The following CERKL variants were observed in gnomAD, a reference collection of about 807,000 sequenced individuals.
CERKL encodes the protein CERK like autophagy regulator.
Under a neutral mutation model 63.4 loss-of-function variants are expected in CERKL, and 61 were observed. That is an observed-to-expected ratio of 0.96 (90% confidence interval 0.78 to 1.19). The LOEUF (loss-of-function observed/expected upper bound fraction) is 1.19, where lower values mean the gene tolerates loss of function less well. CERKL is among the 50% of genes most tolerant of loss of function. CERKL has a pLI of 0.00. For synonymous variants in CERKL, 250 were observed against 230.5 expected, an observed-to-expected ratio of 1.08 and a Z score of -0.77; for missense variants, 675 against 655.5, an observed-to-expected ratio of 1.03 and a Z score of -0.33.
intron 1 of CERKL, among the ~76,000 whole-genome samples, chr2:181,628,507 G>A (rs561920457): frequency 6.6e-6 from 1 of 152,066 alleles, no homozygotes; most frequent in Non-Finnish European, 1.5e-5. Flanking sequence ...TTTTCAGTGG[G>A]CATAAAAAAG....
chr2:181,538,475 C>T (rs1687315035), intron 12 of CERKL, among the ~76,000 whole-genome samples: 1 of 152,214 alleles, frequency 6.6e-6, no homozygotes, highest in South Asian at 2.1e-4. Context: ...TCTCCATTAC[C>T]TCTGTAAAAC....
intron 2 of CERKL, among the ~76,000 whole-genome samples, chr2:181,596,932 TATGTC>T (rs1685238249): frequency 6.6e-6 from 1 of 152,236 alleles, no homozygotes; most frequent in Admixed American, 6.5e-5. Context: ...CATGTGTACA[TATGTC>T]ATAACATAAA....
rs1276593470 is a variant in CERKL, at chr2:181,548,718, C to T, written c.1035G>A (p.Arg345=). The T allele has an allele frequency of 1.9e-6, 3 of 1,614,034 alleles. No homozygotes were observed. The highest frequency in any genetic ancestry group is 8.5e-7 in the Non-Finnish European group (1 of 1,179,944). The change falls in exon 7 of 13, where the codon CGG becomes CGA. Residue 345 remains arginine, a synonymous_variant. Coordinates refer to ENST00000410087, the MANE Select transcript of CERKL (RefSeq NM_201548.5). ...EKYRWMSPNQ[R]RDFAVVKALA... ...GTGCCTTAACAACAGCAAAATCTCT[C>T]CGTTGGTTAGGGGACATCCATCGAT...
chr2:181,609,533 T>C (rs1198809483), intron 1 of CERKL, among the ~76,000 whole-genome samples: 1 of 70,216 alleles, frequency 1.4e-5, no homozygotes, highest in East Asian at 7.3e-4. Flanking sequence ...CTGTCTCTAC[T>C]AAAAAAAAAA....
chr2:181,586,292 T>C (rs1684761566), intron 2 of CERKL, among the ~76,000 whole-genome samples: 1 of 152,134 alleles, frequency 6.6e-6, no homozygotes, highest in African/African-American at 2.4e-5. Context: ...TTATGTAAAG[T>C]CATTAGGTAC....
At chr2:181,618,264 AT>A (rs1686291280) in intron 1 of CERKL, among the ~76,000 whole-genome samples, 1 of 16,850 alleles carries the variant, frequency 5.9e-5, no homozygotes. Flanking sequence ...AACTTACACA[AT>A]ATTTTTTTTT....
intron 4 of CERKL, among the ~76,000 whole-genome samples, chr2:181,563,000 A>T: frequency 6.6e-6 from 1 of 152,202 alleles, no homozygotes. Context: ...AAAAATTCTG[A>T]AACAAATATT....
intron 4 of CERKL, among the ~76,000 whole-genome samples, chr2:181,559,490 C>T (rs940823378): frequency 3.9e-5 from 6 of 152,178 alleles, no homozygotes; most frequent in Non-Finnish European, 7.3e-5. Context: ...GGTGTCACAA[C>T]TCAAGGGCTA....
chr2:181,602,985 A>G (rs1685519749), intron 2 of CERKL: 1 of 157,170 alleles, frequency 6.4e-6, no homozygotes, highest in Non-Finnish European at 1.4e-5. Context: ...ATTGCATTAT[A>G]TTTGTACTTA....
At chr2:181,569,404 G>A (rs1688805287) in intron 3 of CERKL, among the ~76,000 whole-genome samples, 1 of 152,146 alleles carries the variant, frequency 6.6e-6, no homozygotes, top group Non-Finnish European at 1.5e-5. Flanking sequence ...TGCTGGGTGA[G>A]ATTTAGAAAG....
intron 1 of CERKL, among the ~76,000 whole-genome samples, chr2:181,624,719 A>G (rs1686609630): frequency 6.6e-6 from 1 of 151,960 alleles, no homozygotes; most frequent in Non-Finnish European, 1.5e-5. Flanking sequence ...ATTTGTTGAT[A>G]GGTTGGATGT....
At chr2:181,608,338 T>C (rs1401295158) in intron 1 of CERKL, among the ~76,000 whole-genome samples, 1 of 150,264 alleles carries the variant, frequency 6.7e-6, no homozygotes, top group Non-Finnish European at 1.5e-5. Context: ...ATATTAGTTA[T>C]GGTCTTGTAT....
intron 12 of CERKL, 75 bp downstream of exon 12, chr2:181,539,017 G>T: frequency 1.8e-6 from 2 of 1,115,848 alleles, no homozygotes; most frequent in South Asian, 1.2e-5. Context: ...TGATAGTTCA[G>T]AGAAGAGAGC....
intron 1 of CERKL, among the ~76,000 whole-genome samples, chr2:181,655,223 T>C (rs1559127565): frequency 6.6e-6 from 1 of 152,230 alleles, no homozygotes; most frequent in Admixed American, 6.5e-5. Context: ...ATTAAACCTA[T>C]TTTACCTTAA....
intron 2 of CERKL, among the ~76,000 whole-genome samples, chr2:181,593,867 T>TA (rs780308862): frequency 0.016 from 1,878 of 118,116 alleles, 29 homozygotes; most frequent in South Asian, 0.016. Context: ...AAAACACTAC[T>TA]AAAAAAAAAA....
intron 11 of CERKL, among the ~76,000 whole-genome samples, chr2:181,542,994 C>T (rs1241718736): frequency 6.6e-6 from 1 of 152,160 alleles, no homozygotes; most frequent in East Asian, 1.9e-4. Flanking sequence ...ACAATTTGTG[C>T]AACATACACC....
chr2:181,651,357 A>T (rs1048643477), intron 1 of CERKL, among the ~76,000 whole-genome samples: 5 of 152,234 alleles, frequency 3.3e-5, no homozygotes, highest in African/African-American at 1.2e-4. Context: ...GATCAGAGGC[A>T]TGCAAGAATG....
chr2:181,599,917 A>T (rs1026096143), intron 2 of CERKL, among the ~76,000 whole-genome samples: 2 of 152,184 alleles, frequency 1.3e-5, no homozygotes, highest in Non-Finnish European at 2.9e-5. Flanking sequence ...ATGCAAGGTC[A>T]ACACCAAAGA....
chr2:181,633,663 A>G (rs1017269361), intron 1 of CERKL, among the ~76,000 whole-genome samples: 1 of 152,218 alleles, frequency 6.6e-6, no homozygotes, highest in South Asian at 2.1e-4. Flanking sequence ...AGCAGAAGAG[A>G]AAGCGTCGGG....
Sources: allele counts gnomAD v4.1 joint callset (sites outside exome capture counted in the v4.1 genomes callset), GRCh38; gene constraint gnomAD v4.1.1; transcripts MANE v1.5; gene names NCBI Gene and HGNC (gene_info 2026-07-23, HGNC 2026-07-21).